FSD1L: variants seen among roughly 807,000 people sequenced by gnomAD.
FSD1L encodes FSD1-like protein.
FSD1L carries 45 observed loss-of-function variants against 71.6 expected under a neutral mutation model. That is an observed-to-expected ratio of 0.63 (90% CI 0.49 to 0.81). FSD1L has a LOEUF of 0.81. Among genes scored for constraint, FSD1L ranks in the 30% least tolerant of loss-of-function variants. The probability of loss-of-function intolerance (pLI) is 0.00; values close to 1 mark genes in which losing one functional copy is unlikely to be tolerated. For synonymous variants in FSD1L, 197 were observed against 207.2 expected (o/e 0.95, Z 0.42); for missense variants, 561 against 618.1 (o/e 0.91, Z 0.98).
chr9:105,520,979 A>C (rs1356978126), intron 10 of FSD1L: 1 of 1,611,798 alleles, frequency 6.2e-7, no homozygotes, highest in Non-Finnish European at 8.5e-7. Context: ...TTTTGTTTTC[A>C]CATTTTAAGA....
Position 105,546,450 on chromosome 9 carries a change from A to G in FSD1L, c.1560A>G (p.Ser520=). The G allele has an allele frequency of 6.5e-7, 1 of 1,550,202 alleles. No individual in the cohort carries two copies. Among genetic ancestry groups the G allele is most frequent in the Non-Finnish European group, 8.7e-7 (1 of 1,146,076 alleles). The change falls in exon 14 of 14, where the codon TCA becomes TCG. Residue 520 remains serine, a synonymous_variant. Transcript: ENST00000481272. ...AAAGTGAAAATGGAATGACTGGTTC[A>G]GCTAGCAGCCTGAACAATGTTGTTA... is the stretch of plus-strand genomic sequence containing the variant. ...LQKSENGMTG[S]ASSLNNVVTQ is the part of the protein sequence containing the mutation.
chr9:105,523,490 G>A lies in FSD1L; in HGVS notation c.1025+10554G>A, dbSNP rs1189670730. 3.1e-6 allele frequency: 5 copies of A among 1,613,038 alleles called. No individual in the cohort carries two copies. In the Admixed American group the frequency reaches 5.0e-5, roughly 16 times the overall value. On this transcript the variant is annotated intron_variant, in intron 10 of 13. Coordinates refer to ENST00000481272, the MANE Select transcript of FSD1L (RefSeq NM_001145313.3). ...TTTTGGGAGATGTAAATTCAATCAT[G>A]GATCCTGAAATACATGCTCAAGTTT...
rs532462011 is a variant in FSD1L at position 105,492,606 on chromosome 9, G to A, written c.586+8104G>A. On this transcript the variant is annotated intron_variant, in intron 7 of 13. Coordinates refer to ENST00000481272, the MANE Select transcript of FSD1L (RefSeq NM_001145313.3). ...ATTGTGATGTTAGGGTGTGAATTTT[G>A]GATCTTTTCTGCTTTCTCTTGTGGG... is the stretch of plus-strand genomic sequence containing the variant. Among the ~76,000 whole-genome samples, 5 of 152,040 alleles carry A rather than the reference G, an allele frequency of 3.3e-5. No individual in the cohort carries two copies. The South Asian group carries it at 1.0e-3, about 32-fold the overall frequency.
intron 7 of FSD1L, among the ~76,000 whole-genome samples, chr9:105,496,658 A>G (rs1055308558): frequency 1.3e-5 from 2 of 152,072 alleles, no homozygotes; most frequent in African/African-American, 4.8e-5. Context: ...TGCTGATGTA[A>G]ATGGTATTGT....
intron 11 of FSD1L, 57 bp downstream of exon 11, chr9:105,534,650 C>T (rs7037218): frequency 0.12 from 119,123 of 996,758 alleles, 10,136 homozygotes; most frequent in East Asian, 0.47. Context: ...CACAATCACA[C>T]TGGTGGACTT....
At chr9:105,450,861 A>G (rs142748469) in intron 1 of FSD1L, among the ~76,000 whole-genome samples, 2,761 of 152,218 alleles carry the variant, frequency 0.018, 87 homozygotes, top group African/African-American at 0.063. Context: ...AAAACCCACT[A>G]AACAGTGCCT....
chr9:105,513,698 T>C (rs1834532707), intron 10 of FSD1L: 1 of 1,256,086 alleles, frequency 8.0e-7, no homozygotes, highest in African/African-American at 1.5e-5. Context: ...AAAAAAACTT[T>C]AATTTTATCT....
chr9:105,529,183 A>T (rs1277802556), intron 10 of FSD1L, among the ~76,000 whole-genome samples: 6 of 152,324 alleles, frequency 3.9e-5, no homozygotes, highest in Non-Finnish European at 1.5e-5. Context: ...AGTGTAAATT[A>T]ATTAGTTCAA....
At chr9:105,464,016 A>G (rs1830891971) in intron 2 of FSD1L, among the ~76,000 whole-genome samples, 1 of 152,196 alleles carries the variant, frequency 6.6e-6, no homozygotes, top group Non-Finnish European at 1.5e-5. Context: ...ATGGTGATTA[A>G]GTTGCATATT....
In FSD1L at chr9:105,552,295, G is replaced by T. The variant is rs1837299028; in HGVS notation, c.*5812G>T. 3 of 149,890 alleles carry T rather than the reference G, an allele frequency of 2.0e-5. No individual in the cohort carries two copies. The highest frequency in any genetic ancestry group is 2.5e-5 in the African/African-American group (1 of 40,732). 9.3% of individuals were successfully genotyped at this position (149,890 alleles called of 1,614,324 possible). Reference sequence around the variant, plus strand: ...AAACAAGACAAAGCCTTTTTAAAATGTTTTTTTTTCACTTTAAAATAGGGT... The same window carrying T: ...AAACAAGACAAAGCCTTTTTAAAATTTTTTTTTTTCACTTTAAAATAGGGT... On this transcript the variant is annotated 3_prime_UTR_variant, in exon 14 of 14. Coordinates refer to ENST00000481272, the MANE Select transcript of FSD1L (RefSeq NM_001145313.3).
chr9:105,542,255 A>G (rs181315843), intron 13 of FSD1L, among the ~76,000 whole-genome samples: 1 of 152,204 alleles, frequency 6.6e-6, no homozygotes, highest in Non-Finnish European at 1.5e-5. Context: ...TATCCTTGCC[A>G]TTATTTGATA....
chr9:105,447,962 A>G, upstream of FSD1L: 1 of 534,566 alleles, frequency 1.9e-6, no homozygotes, highest in Non-Finnish European at 3.3e-6. Flanking sequence ...CTCCACGGCT[A>G]CTTCCCGGGA....
intron 7 of FSD1L, among the ~76,000 whole-genome samples, chr9:105,493,963 C>T (rs1833151637): frequency 1.3e-5 from 2 of 152,188 alleles, no homozygotes; most frequent in African/African-American, 2.4e-5. Flanking sequence ...CTTGGTGAAT[C>T]TGACAATTAT....
chr9:105,543,580 C>T (rs932616223), intron 13 of FSD1L, among the ~76,000 whole-genome samples: 1 of 152,094 alleles, frequency 6.6e-6, no homozygotes, highest in African/African-American at 2.4e-5. Flanking sequence ...CTATCCCTCT[C>T]CCCTCCCCCA....
chr9:105,465,216 T>C lies in FSD1L; in HGVS notation c.207+885T>C, dbSNP rs533201735. ...CTACCAAGACTGAATCAGAAAGAAA[T>C]AGAAAATCTGAATAGGTCAATAATG... is the stretch of plus-strand genomic sequence containing the variant. On this transcript the variant is annotated intron_variant, in intron 3 of 13. Coordinates refer to ENST00000481272, the MANE Select transcript of FSD1L (RefSeq NM_001145313.3). 3.9e-5 allele frequency among the ~76,000 whole-genome samples: 6 copies of C among 152,168 alleles called. No individual in the cohort carries two copies. The South Asian group carries it at 1.0e-3, about 26-fold the overall frequency.
chr9:105,517,664 CT>C (rs1478454804), intron 10 of FSD1L, among the ~76,000 whole-genome samples: 8 of 152,132 alleles, frequency 5.3e-5, no homozygotes, highest in Admixed American at 1.3e-4. Context: ...GAAGGAAGCA[CT>C]AAACATGGAA....
intron 13 of FSD1L, among the ~76,000 whole-genome samples, chr9:105,544,935 TTAAAG>T (rs1453176830): frequency 6.6e-6 from 1 of 152,206 alleles, no homozygotes; most frequent in Non-Finnish European, 1.5e-5. Context: ...CATATTAACT[TTAAAG>T]TAGTTTTTTC....
At chr9:105,513,714 C>T in intron 10 of FSD1L, 1 of 1,096,564 alleles carries the variant, frequency 9.1e-7, no homozygotes, top group Non-Finnish European at 1.3e-6. Flanking sequence ...TATCTTTTAA[C>T]CAATAAGCAG....
upstream of FSD1L, among the ~76,000 whole-genome samples, chr9:105,445,539 C>A (rs1347639512): frequency 6.6e-6 from 1 of 152,072 alleles, no homozygotes; most frequent in East Asian, 1.9e-4. Flanking sequence ...TGCCCTCAGA[C>A]AGTAATGAGG....
Sources: allele counts gnomAD v4.1 joint callset (sites outside exome capture counted in the v4.1 genomes callset), GRCh38; gene constraint gnomAD v4.1.1; transcripts MANE v1.5; gene names NCBI Gene and HGNC (gene_info 2026-07-23, HGNC 2026-07-21).